SPTA1: variants seen among roughly 807,000 people sequenced by gnomAD.
SPTA1 encodes the protein spectrin alpha chain, erythrocytic 1.
Under a neutral mutation model 324.7 loss-of-function variants are expected in SPTA1, and 177 were observed. That is an observed-to-expected ratio of 0.55 (90% CI 0.48 to 0.62). The LOEUF (loss-of-function observed/expected upper bound fraction) is 0.62, where lower values mean the gene tolerates loss of function less well. Among genes scored for constraint, SPTA1 ranks in the 20% least tolerant of loss-of-function variants. The pLI is 0.00. For missense variants in SPTA1, 3,162 were observed against 2,883.6 expected (o/e 1.10, Z -2.21); for synonymous variants, 1,195 against 1,041.3 (o/e 1.15, Z -2.84).
intron 39 of SPTA1, among the ~76,000 whole-genome samples, chr1:158,631,353 G>A (rs1450136159): frequency 6.6e-6 from 1 of 152,156 alleles, no homozygotes; most frequent in Non-Finnish European, 1.5e-5. Flanking sequence ...AGTAACTCAG[G>A]AATGGAAAAC....
intron 14 of SPTA1, 147 bp from the exon 15 acceptor site, chr1:158,668,209 T>G (rs1653754199): frequency 1.1e-6 from 1 of 937,268 alleles, no homozygotes; most frequent in South Asian, 1.5e-5. Flanking sequence ...GTCCAACGTT[T>G]GAGAAATTCA....
At chr1:158,675,636 A>C (rs1251239199) in intron 8 of SPTA1, among the ~76,000 whole-genome samples, 1 of 152,230 alleles carries the variant, frequency 6.6e-6, no homozygotes, top group East Asian at 1.9e-4. Flanking sequence ...CAAGAGATTA[A>C]CAAACAATAA....
At chr1:158,654,832 G>C in intron 20 of SPTA1, 84 bp from the exon 21 acceptor site, 1 of 1,588,244 alleles carries the variant, frequency 6.3e-7, no homozygotes, top group Non-Finnish European at 8.6e-7. Flanking sequence ...AGTCCTTTAG[G>C]CTTCCCAGGA....
chr1:158,644,402 A>C lies in SPTA1; in HGVS notation c.4195-6T>G. On this transcript the variant is annotated splice_region_variant and splice_polypyrimidine_tract_variant and intron_variant, in intron 29 of 51. Transcript: ENST00000643759. Reference sequence around the variant, plus strand: ...TCACAGTTCCCCTGGAACATCTATGAGGAATCAAATGAGAGGGGTATGGTA... The same window carrying C: ...TCACAGTTCCCCTGGAACATCTATGCGGAATCAAATGAGAGGGGTATGGTA... 1 of 1,613,728 alleles carries C rather than the reference A, an allele frequency of 6.2e-7. No homozygotes were observed. The highest frequency in any genetic ancestry group is 8.5e-7 in the Non-Finnish European group (1 of 1,179,798).
rs1247284926 is a variant in SPTA1, at chr1:158,656,622, T to C, written c.2840A>G (p.Asp947Gly). The change falls in exon 20 of 52, where the codon GAT (aspartate) becomes GGT (glycine). Residue 947 changes from aspartate (D) to glycine (G), a missense_variant. Asp to Gly is a moderately conservative substitution (Grantham distance 94). Coordinates refer to ENST00000643759, the MANE Select transcript of SPTA1 (RefSeq NM_003126.4). ...CATACTGTCTCCAAATGAATTGAGA[T>C]CTAATAGAAAGGCCTCATGCTTCTT... ...LLKKHEAFLL[D>G]LNSFGDSMKA... 6.2e-7 allele frequency: 1 copy of C among 1,613,882 alleles called. No individual in the cohort carries two copies. Among genetic ancestry groups the C allele is most frequent in the Admixed American group, 1.7e-5 (1 of 60,024 alleles).
intron 16 of SPTA1, among the ~76,000 whole-genome samples, chr1:158,665,328 C>T (rs748441241): frequency 4.1e-4 from 62 of 152,208 alleles, no homozygotes; most frequent in Non-Finnish European, 7.6e-4. Context: ...AGAGAGCCAT[C>T]TCTAAAGGTA....
At chr1:158,644,487 G>T in intron 29 of SPTA1, 91 bp from the exon 30 acceptor site, 2 of 1,485,502 alleles carry the variant, frequency 1.3e-6, no homozygotes, top group Non-Finnish European at 1.9e-6. Flanking sequence ...GACACAAAGG[G>T]TTTTGCAAGG....
chr1:158,642,901 G>A lies in SPTA1; in HGVS notation c.4518C>T (p.Tyr1506=), dbSNP rs754126349. The A allele has an allele frequency of 2.5e-5, 40 of 1,613,712 alleles. No individual in the cohort carries two copies. The highest frequency in any genetic ancestry group is 3.3e-5 in the Admixed American group (2 of 59,946). ...LGDYANLKQF[Y]RDLEELEEWI... ...ATTCTTCCAGCTCCTCAAGGTCTCG[G>A]TAGAATTGTTTTAGGTTGGCATAGT... Residue 1506 remains tyrosine, a synonymous_variant, in exon 32 of 52, where the codon TAC becomes TAT. Transcript: ENST00000643759.
intron 17 of SPTA1, 62 bp from the exon 18 acceptor site, chr1:158,661,471 A>T (rs1421503071): frequency 1.2e-6 from 2 of 1,609,674 alleles, no homozygotes; most frequent in Non-Finnish European, 1.7e-6. Context: ...AGCATACCTC[A>T]CTTTTTTAGA....
chr1:158,642,342 A>C (rs1651661879), intron 33 of SPTA1, 69 bp downstream of exon 33: 2 of 1,491,940 alleles, frequency 1.3e-6, no homozygotes, highest in Non-Finnish European at 1.8e-6. Context: ...CAATAAATTA[A>C]AAAAAAAGAA....
chr1:158,670,072 A>C (rs1263405513), intron 12 of SPTA1, among the ~76,000 whole-genome samples: 1 of 152,224 alleles, frequency 6.6e-6, no homozygotes, highest in African/African-American at 2.4e-5. Flanking sequence ...CTTGTCTTCA[A>C]GGGGAAGCAC....
intron 20 of SPTA1, among the ~76,000 whole-genome samples, chr1:158,655,591 T>C (rs1301853398): frequency 6.6e-6 from 1 of 152,158 alleles, no homozygotes; most frequent in Non-Finnish European, 1.5e-5. Context: ...AGGCACAGTA[T>C]AGGAGGTCTG....
Position 158,654,655 on chromosome 1 carries a change from T to C in SPTA1, c.2992A>G (p.Met998Val). Residue 998 changes from methionine (M) to valine (V), a missense_variant, in exon 21 of 52, where the codon ATG (methionine) becomes GTG (valine). Coordinates refer to ENST00000643759, the MANE Select transcript of SPTA1 (RefSeq NM_003126.4). ...FQARSPREVT[M>V]KKGDVLTLLS... ...AGCGTTAAGACATCACCTTTCTTCATGGTGACTTCTCGGGGGCTGCGGGCC... is the reference window on the plus strand; with the variant it reads ...AGCGTTAAGACATCACCTTTCTTCACGGTGACTTCTCGGGGGCTGCGGGCC... The C allele has an allele frequency of 1.2e-6, 2 of 1,613,950 alleles. No individual in the cohort carries two copies. The highest frequency in any genetic ancestry group is 1.3e-5 in the African/African-American group (1 of 74,968).
In SPTA1 at chr1:158,612,964, G is replaced by C. The variant is rs1363128101; in HGVS notation, c.6990-3C>G. On this transcript the variant is annotated splice_region_variant and splice_polypyrimidine_tract_variant and intron_variant, in intron 50 of 51. Transcript: ENST00000643759. ...CCTCCAGTGAGACATAGCCCTTCCT[G>C]TGGGAGAAATGGATCAGGAGCTGAG... The C allele has an allele frequency of 6.2e-7, 1 of 1,613,710 alleles. No homozygotes were observed. Among genetic ancestry groups the C allele is most frequent in the Admixed American group, 1.7e-5 (1 of 59,964 alleles).
In SPTA1 at chr1:158,681,522, G is replaced by C. The variant is rs534066706; in HGVS notation, c.531+5C>G. ...CCTGTGTGATTGCTGTTTTAAGTTC[G>C]ATACCTTGTCTCCAATCCACTCTAA... On this transcript the variant is annotated splice_donor_5th_base_variant and intron_variant, in intron 4 of 51. Transcript: ENST00000643759. 6.2e-7 allele frequency: 1 copy of C among 1,613,380 alleles called. No homozygotes were observed. Among genetic ancestry groups the C allele is most frequent in the African/African-American group, 1.3e-5 (1 of 74,830 alleles).
Position 158,681,604 on chromosome 1 carries a change from C to T in SPTA1, c.454G>A (p.Asp152Asn), listed in dbSNP as rs16840544. The T allele has an allele frequency of 6.2e-3, 10,006 of 1,613,752 alleles. 512 individuals are homozygous for T. In the African/African-American group the frequency reaches 0.12, roughly 19 times the overall value. ...LLLELTLEKGDQLLRALKFQQ... is the reference protein window; with the variant it reads ...LLLELTLEKGNQLLRALKFQQ... ...AACTTCAGGGCCCGCAGCAACTGGTCACCCTTCTCCAGGGTCAGCTCTAAC... is the reference window on the plus strand; with the variant it reads ...AACTTCAGGGCCCGCAGCAACTGGTTACCCTTCTCCAGGGTCAGCTCTAAC... Residue 152 changes from aspartate to asparagine, a missense_variant, in exon 4 of 52, where the codon GAC becomes AAC. Coordinates refer to ENST00000643759, the MANE Select transcript of SPTA1 (RefSeq NM_003126.4).
intron 31 of SPTA1, 21 bp from the exon 32 acceptor site, chr1:158,642,997 A>G (rs1557948771): frequency 6.2e-7 from 1 of 1,612,892 alleles, no homozygotes; most frequent in Non-Finnish European, 8.5e-7. Flanking sequence ...GAGCCAAATC[A>G]CTCTATGCCC....
chr1:158,632,635 A>G lies in SPTA1; in HGVS notation c.5565+1908T>C, dbSNP rs928371831. On this transcript the variant is annotated intron_variant, in intron 39 of 51. Coordinates refer to ENST00000643759, the MANE Select transcript of SPTA1 (RefSeq NM_003126.4). ...TCACTATATATCTATGTGAATGACTAAAATAAAAGTAGTGACAACACAGAA... is the reference window on the plus strand; with the variant it reads ...TCACTATATATCTATGTGAATGACTGAAATAAAAGTAGTGACAACACAGAA... Among the ~76,000 whole-genome samples the G allele has an allele frequency of 3.9e-5, 6 of 152,210 alleles. No individual in the cohort carries two copies. In the East Asian group the frequency reaches 9.6e-4, roughly 24 times the overall value.
chr1:158,619,055 A>G, intron 45 of SPTA1, 167 bp downstream of exon 45: 1 of 717,994 alleles, frequency 1.4e-6, no homozygotes, highest in East Asian at 2.7e-5. Context: ...CCAAGAATTG[A>G]TTCAGAAAAC....
Sources: gnomAD v4.1 joint callset for allele counts (sites outside exome capture counted in the v4.1 genomes callset) on GRCh38, gnomAD v4.1.1 for gene constraint, MANE v1.5 for transcripts, NCBI Gene and HGNC (gene_info 2026-07-23, HGNC 2026-07-21) for gene names.